The following SV2C variants were observed in gnomAD, a reference collection of about 807,000 sequenced individuals.
SV2C encodes the protein synaptic vesicle glycoprotein 2C.
Under a neutral mutation model 79.7 loss-of-function variants are expected in SV2C, and 49 were observed. The observed-to-expected ratio is 0.61, with a 90% confidence interval of 0.49 to 0.78. The LOEUF is 0.78. Ranked by LOEUF, SV2C falls within the 30% of genes least tolerant of loss-of-function variation. The probability of loss-of-function intolerance (pLI) is 0.00; values close to 1 mark genes in which losing one functional copy is unlikely to be tolerated. For synonymous variants in SV2C, 334 were observed against 333.2 expected (o/e 1.00, Z -0.03); for missense variants, 833 against 912.9 (o/e 0.91, Z 1.13).
At chr5:76,313,530 C>G (rs1748526927) in intron 12 of SV2C, among the ~76,000 whole-genome samples, 1 of 152,168 alleles carries the variant, frequency 6.6e-6, no homozygotes, top group Non-Finnish European at 1.5e-5. Context: ...AGCACAAAAA[C>G]AGTCACAAAG....
intron 8 of SV2C, among the ~76,000 whole-genome samples, chr5:76,295,111 C>T (rs948350411): frequency 2.6e-5 from 4 of 152,188 alleles, no homozygotes; most frequent in Non-Finnish European, 4.4e-5. Context: ...GCTGCTATAA[C>T]AAAATACCAC....
At chr5:75,926,836 G>A in the SV2C span, among the ~76,000 whole-genome samples, 3 of 152,042 alleles carry the variant, frequency 2.0e-5, no homozygotes, top group South Asian at 2.1e-4. Flanking sequence ...AAAAATTCCC[G>A]TTCCTTTTAA....
At position 76,182,961 on chromosome 5, in the gene SV2C, G is replaced by C. The variant is rs1253598909; in HGVS notation, c.581-11958G>C. Among the ~76,000 whole-genome samples the C allele has an allele frequency of 3.7e-4, 6 of 16,264 alleles. No homozygotes were observed. In the African/African-American group the frequency reaches 6.2e-3, roughly 17 times the overall value. The allele number at this position is 16,264 out of a possible 152,430, so 10.7% of individuals were successfully genotyped here. A position where few individuals can be genotyped will look rare whatever the true frequency, so the allele number is the denominator to read the frequency against. The stretch of plus-strand genomic sequence containing the variant: ...TATGTGAGAGAGAGAGAGAGAGACA[G>C]AGAGAGAGAGAGAGAGTAGGGGGAG... On this transcript the variant is annotated intron_variant, in intron 2 of 12. Transcript: ENST00000502798.
chr5:75,967,603 A>C, the SV2C span, among the ~76,000 whole-genome samples: 1 of 152,284 alleles, frequency 6.6e-6, no homozygotes, highest in South Asian at 2.1e-4. Context: ...TCAAGCTGCA[A>C]GGTGGCAGCG....
At chr5:76,323,163 T>A (rs1207743682) in intron 12 of SV2C, among the ~76,000 whole-genome samples, 1 of 152,086 alleles carries the variant, frequency 6.6e-6, no homozygotes. Flanking sequence ...TATCTAGAAT[T>A]TACAAGGAAT....
chr5:75,976,365 G>T, the SV2C span, among the ~76,000 whole-genome samples: 1 of 152,150 alleles, frequency 6.6e-6, no homozygotes, highest in African/African-American at 2.4e-5. Context: ...TACAGAGAAA[G>T]ACCTATAGTT....
the SV2C span, among the ~76,000 whole-genome samples, chr5:76,061,857 A>C: frequency 6.6e-6 from 1 of 152,194 alleles, no homozygotes; most frequent in African/African-American, 2.4e-5. Flanking sequence ...ACATGAAGAT[A>C]ATTGCAAAAA....
intron 1 of SV2C, among the ~76,000 whole-genome samples, chr5:76,112,859 TC>T (rs1228753615): frequency 6.6e-6 from 1 of 152,174 alleles, no homozygotes; most frequent in Non-Finnish European, 1.5e-5. Flanking sequence ...TATACCTTCC[TC>T]CATGGCACTA....
intron 12 of SV2C, among the ~76,000 whole-genome samples, chr5:76,352,842 A>G (rs1749668156): frequency 6.6e-6 from 1 of 152,050 alleles, no homozygotes. Context: ...TACATTTTTC[A>G]TATAATACAT....
At chr5:76,282,074 A>G (rs1331482243) in intron 4 of SV2C, among the ~76,000 whole-genome samples, 2 of 152,206 alleles carry the variant, frequency 1.3e-5, no homozygotes, top group Admixed American at 1.3e-4. Context: ...TTGAAAACTT[A>G]CCTTCTGAAC....
intron 1 of SV2C, among the ~76,000 whole-genome samples, chr5:76,092,634 TA>T (rs770888501): frequency 7.5e-4 from 114 of 152,174 alleles, no homozygotes; most frequent in Non-Finnish European, 1.5e-3. Flanking sequence ...CCTGTATTAA[TA>T]CTTGGAATAT....
At chr5:76,102,766 A>G (rs17746675) in intron 1 of SV2C, among the ~76,000 whole-genome samples, 4,550 of 152,240 alleles carry the variant, frequency 0.03, 90 homozygotes, top group South Asian at 0.082. Flanking sequence ...TAGATGGTTT[A>G]CTTGTAGCCT....
At chr5:76,285,434 A>T (rs565517276) in intron 5 of SV2C, 139 bp downstream of exon 5, 3 of 1,257,736 alleles carry the variant, frequency 2.4e-6, no homozygotes, top group Non-Finnish European at 3.2e-6. Flanking sequence ...GTTTGGTTTC[A>T]TGGAGACCTG....
At chr5:76,319,808 C>T (rs116145847) in intron 12 of SV2C, among the ~76,000 whole-genome samples, 417 of 152,224 alleles carry the variant, frequency 2.7e-3, no homozygotes, top group African/African-American at 8.6e-3. Flanking sequence ...TGGGAAAATA[C>T]GGTTATTTTA....
chr5:76,129,433 A>G (rs1233499884), intron 1 of SV2C, among the ~76,000 whole-genome samples: 1 of 152,232 alleles, frequency 6.6e-6, no homozygotes, highest in Non-Finnish European at 1.5e-5. Flanking sequence ...TTTGTCCTGG[A>G]ATTAAAACTA....
chr5:76,066,007 AC>A, the SV2C span, among the ~76,000 whole-genome samples: 1 of 152,246 alleles, frequency 6.6e-6, no homozygotes, highest in East Asian at 1.9e-4. Context: ...AGTTTAAACC[AC>A]TTTCAGGGTC....
intron 2 of SV2C, chr5:76,173,729 A>G (rs1580328729): frequency 6.2e-7 from 1 of 1,613,264 alleles, no homozygotes; most frequent in Middle Eastern, 1.7e-4. Context: ...ATTAACATTT[A>G]TTTTTGATTT....
chr5:75,882,123 C>G, the SV2C span, among the ~76,000 whole-genome samples: 1 of 149,890 alleles, frequency 6.7e-6, no homozygotes, highest in Non-Finnish European at 1.5e-5. Context: ...TATATTGAAC[C>G]AGCCTTGCAT....
chr5:75,999,770 G>A, the SV2C span, among the ~76,000 whole-genome samples: 1 of 152,064 alleles, frequency 6.6e-6, no homozygotes, highest in Non-Finnish European at 1.5e-5. Context: ...TGGAGGCTGG[G>A]AAGTCCAAGA....
Sources: gnomAD v4.1 joint callset for allele counts (sites outside exome capture counted in the v4.1 genomes callset) on GRCh38, gnomAD v4.1.1 for gene constraint, MANE v1.5 for transcripts, NCBI Gene and HGNC (gene_info 2026-07-23, HGNC 2026-07-21) for gene names.